The following ACBD6 variants were observed in gnomAD, a reference collection of about 807,000 sequenced individuals.
The protein encoded by ACBD6 is acyl-CoA-binding domain-containing protein 6.
In ACBD6, 28 loss-of-function variants were observed where a neutral mutation model predicts 37.2. The observed-to-expected ratio is 0.75, with a 90% CI of 0.56 to 1.03. The LOEUF is 1.03. Ranked by LOEUF, ACBD6 falls within the 50% of genes least tolerant of loss-of-function variation. The pLI, the probability that ACBD6 is intolerant of heterozygous loss-of-function variation, is 0.00. For missense variants in ACBD6, 340 were observed against 337.4 expected (o/e 1.01, Z -0.06); for synonymous variants, 113 against 126.8 (o/e 0.89, Z 0.73).
intron 7 of ACBD6, among the ~76,000 whole-genome samples, chr1:180,309,670 G>T (rs892038962): frequency 2.0e-5 from 3 of 152,194 alleles, no homozygotes; most frequent in Admixed American, 6.5e-5. Context: ...AAATATTGTG[G>T]AGTAAAAGAA....
At chr1:180,282,906 C>T (rs1033784462) in intron 8 of ACBD6, among the ~76,000 whole-genome samples, 6 of 151,428 alleles carry the variant, frequency 4.0e-5, no homozygotes, top group Admixed American at 3.3e-4. Flanking sequence ...AACAGCAATG[C>T]ACAAGTCTGT....
At chr1:180,410,720 T>A (rs1351116153) in intron 5 of ACBD6, among the ~76,000 whole-genome samples, 2 of 152,216 alleles carry the variant, frequency 1.3e-5, no homozygotes, top group African/African-American at 4.8e-5. Flanking sequence ...TGCTTGGTCA[T>A]CCAAGAGTGC....
chr1:180,419,004 C>T (rs1335755633), intron 4 of ACBD6, among the ~76,000 whole-genome samples: 1 of 152,248 alleles, frequency 6.6e-6, no homozygotes, highest in Non-Finnish European at 1.5e-5. Flanking sequence ...GTAATCCCAG[C>T]ACTTCGGGAG....
chr1:180,390,570 T>C (rs928161811), intron 6 of ACBD6, among the ~76,000 whole-genome samples: 4 of 152,172 alleles, frequency 2.6e-5, no homozygotes, highest in East Asian at 3.8e-4. Context: ...GGGGATGGCA[T>C]TGAATCTATA....
At chr1:180,405,689 A>T (rs1378340970) in intron 5 of ACBD6, among the ~76,000 whole-genome samples, 1 of 152,188 alleles carries the variant, frequency 6.6e-6, no homozygotes, top group Non-Finnish European at 1.5e-5. Context: ...ATAGTACACT[A>T]ATCTGAGAAA....
At chr1:180,274,353 C>G in intron 10 of ACBD6, 1 of 1,614,238 alleles carries the variant, frequency 6.2e-7, no homozygotes, top group Non-Finnish European at 8.5e-7. Context: ...TCTCCATCCT[C>G]CATATCGTCC....
At chr1:180,413,330 C>T in intron 5 of ACBD6, 36 bp downstream of exon 5, 2 of 1,524,192 alleles carry the variant, frequency 1.3e-6, no homozygotes, top group South Asian at 1.1e-5. Flanking sequence ...AACAACCATG[C>T]ATAGGAAAAT....
In ACBD6 at chr1:180,307,176, A is replaced by G. The variant is rs1018104615; in HGVS notation, c.694+7516T>C. ...GCACAATGGAACACTATTCAGCCAT[A>G]AAAAAGAGTGAGATTCTGTCATCTG... is the stretch of plus-strand genomic sequence containing the variant. On this transcript the variant is annotated intron_variant, in intron 7 of 7. Transcript: ENST00000367595. Among the ~76,000 whole-genome samples the G allele has an allele frequency of 2.0e-5, 3 of 152,226 alleles. No individual in the cohort carries two copies. In the South Asian group the frequency reaches 6.2e-4, roughly 32 times the overall value.
chr1:180,369,201 AC>A (rs1050816343), intron 6 of ACBD6, among the ~76,000 whole-genome samples: 25 of 152,338 alleles, frequency 1.6e-4, no homozygotes, highest in Non-Finnish European at 2.2e-4. Flanking sequence ...GGAGCAGCCT[AC>A]GCAGGGCTCC....
In ACBD6 at chr1:180,478,640, T is replaced by G. The variant is rs575167345; in HGVS notation, c.384+13629A>C. 3.3e-5 allele frequency among the ~76,000 whole-genome samples: 5 copies of G among 152,008 alleles called. 1 individual carries two copies. The South Asian group carries it at 1.0e-3, about 32-fold the overall frequency. ...AGTAGCTGGGATTACAGTACCACCA[T>G]TGCTGGCTAATTTTTGTATTTTTAG... On this transcript the variant is annotated intron_variant, in intron 3 of 7. Transcript: ENST00000367595.
chr1:180,404,091 C>G (rs1647503761), intron 5 of ACBD6, among the ~76,000 whole-genome samples: 1 of 151,968 alleles, frequency 6.6e-6, no homozygotes, highest in Non-Finnish European at 1.5e-5. Context: ...GCTGGGATTA[C>G]AGAAGTGCAG....
chr1:180,495,405 C>T (rs1651692558), intron 2 of ACBD6, 56 bp downstream of exon 2: 2 of 1,303,450 alleles, frequency 1.5e-6, no homozygotes, highest in African/African-American at 1.5e-5. Flanking sequence ...CTTTCTAATT[C>T]CTAAACACCT....
chr1:180,333,903 G>A (rs1312572474), intron 6 of ACBD6, among the ~76,000 whole-genome samples: 2 of 152,258 alleles, frequency 1.3e-5, no homozygotes, highest in Non-Finnish European at 2.9e-5. Context: ...TATGCCCACG[G>A]AGCCTCGCTC....
At chr1:180,294,318 T>G (rs1649832392) in intron 7 of ACBD6, among the ~76,000 whole-genome samples, 1 of 151,644 alleles carries the variant, frequency 6.6e-6, no homozygotes, top group South Asian at 2.1e-4. Flanking sequence ...GCAGGCAGAT[T>G]GCCTGAGGTC....
intron 1 of ACBD6, among the ~76,000 whole-genome samples, chr1:180,501,090 G>A (rs907968039): frequency 6.6e-6 from 1 of 152,126 alleles, no homozygotes; most frequent in Non-Finnish European, 1.5e-5. Context: ...CTTAGACTGA[G>A]TCAGGAGCTA....
chr1:180,482,596 G>A (rs770871458), intron 3 of ACBD6, among the ~76,000 whole-genome samples: 24 of 151,788 alleles, frequency 1.6e-4, no homozygotes, highest in Admixed American at 4.6e-4. Context: ...GAATAAAAAC[G>A]CATCTTATTT....
At chr1:180,335,989 C>A (rs1571376251) in intron 6 of ACBD6, among the ~76,000 whole-genome samples, 2 of 151,476 alleles carry the variant, frequency 1.3e-5, no homozygotes. Context: ...GCACCCAATA[C>A]AGGAGCACCC....
chr1:180,390,636 C>T (rs538517215), intron 6 of ACBD6, among the ~76,000 whole-genome samples: 1 of 152,252 alleles, frequency 6.6e-6, no homozygotes, highest in South Asian at 2.1e-4. Flanking sequence ...TACCCATGAG[C>T]ATGGAATGTT....
chr1:180,462,747 G>A (rs1316718795), intron 3 of ACBD6, among the ~76,000 whole-genome samples: 1 of 152,124 alleles, frequency 6.6e-6, no homozygotes, highest in Non-Finnish European at 1.5e-5. Flanking sequence ...AGTATCTACA[G>A]AACTCTCCAT....
Sources: gnomAD v4.1 joint callset for allele counts (sites outside exome capture counted in the v4.1 genomes callset) on GRCh38, gnomAD v4.1.1 for gene constraint, MANE v1.5 for transcripts, NCBI Gene and HGNC (gene_info 2026-07-23, HGNC 2026-07-21) for gene names.